Variants in EPB41L3 observed in about 807,000 individuals in gnomAD.
EPB41L3 encodes the protein erythrocyte membrane protein band 4.1 like 3.
Under a neutral mutation model 127.1 loss-of-function variants are expected in EPB41L3, and 57 were observed. The observed-to-expected ratio is 0.45, with a 90% CI of 0.36 to 0.56. The LOEUF (loss-of-function observed/expected upper bound fraction) is 0.56. Among genes scored for constraint, EPB41L3 ranks in the 20% least tolerant of loss-of-function variants. The pLI is 0.00. For missense variants in EPB41L3, 1,273 were observed against 1,372.2 expected, an observed-to-expected ratio of 0.93 and a Z score of 1.14; for synonymous variants, 572 against 549.5, an observed-to-expected ratio of 1.04 and a Z score of -0.57.
At chr18:5,520,343 A>C (rs9950048) in intron 1 of EPB41L3, among the ~76,000 whole-genome samples, 5,232 of 152,218 alleles carry the variant, frequency 0.034, 129 homozygotes, top group East Asian at 0.096. Context: ...CTAGAAAATA[A>C]CAAAGTATAA....
intron 13 of EPB41L3, among the ~76,000 whole-genome samples, chr18:5,413,946 T>C (rs1306930853): frequency 1.3e-5 from 2 of 152,224 alleles, no homozygotes; most frequent in African/African-American, 4.8e-5. Context: ...AAGTTTAACA[T>C]TAATTCTCAT....
chr18:5,452,739 CTATGAATACAATA>C (rs1168174754), intron 3 of EPB41L3, among the ~76,000 whole-genome samples: 1 of 151,976 alleles, frequency 6.6e-6, no homozygotes, highest in East Asian at 1.9e-4. Context: ...CCATTTAAAG[CTATGAATACAATA>C]TAAGAAAACC....
intron 3 of EPB41L3, among the ~76,000 whole-genome samples, chr18:5,585,856 C>T (rs2094437308): frequency 6.6e-6 from 1 of 152,146 alleles, no homozygotes; most frequent in Non-Finnish European, 1.5e-5. Flanking sequence ...TTCCTCCCTG[C>T]TTGGGTGTCA....
intron 3 of EPB41L3, among the ~76,000 whole-genome samples, chr18:5,609,383 T>C (rs2094700305): frequency 6.6e-6 from 1 of 152,192 alleles, no homozygotes; most frequent in Non-Finnish European, 1.5e-5. Context: ...TGAAAAACAT[T>C]TTTTTGTATT....
intron 1 of EPB41L3, among the ~76,000 whole-genome samples, chr18:5,539,002 T>C (rs1490071874): frequency 1.3e-5 from 2 of 150,892 alleles, no homozygotes; most frequent in African/African-American, 4.9e-5. Flanking sequence ...AAGATTTTTT[T>C]TTTTTTTTTT....
At chr18:5,448,682 C>A (rs1314557795) in intron 3 of EPB41L3, among the ~76,000 whole-genome samples, 3 of 152,142 alleles carry the variant, frequency 2.0e-5, no homozygotes, top group Non-Finnish European at 4.4e-5. Flanking sequence ...TTTGGTCTTA[C>A]AATTATTTAT....
chr18:5,498,245 G>A (rs1332491088), intron 1 of EPB41L3, among the ~76,000 whole-genome samples: 1 of 152,144 alleles, frequency 6.6e-6, no homozygotes, highest in African/African-American at 2.4e-5. Context: ...TATTCCAATT[G>A]AGCTTCCTGA....
At chr18:5,432,932 G>A (rs1405325374) in intron 8 of EPB41L3, among the ~76,000 whole-genome samples, 1 of 152,204 alleles carries the variant, frequency 6.6e-6, no homozygotes, top group Admixed American at 6.5e-5. Flanking sequence ...TTTACTGACT[G>A]CCTGGTATGT....
intron 1 of EPB41L3, among the ~76,000 whole-genome samples, chr18:5,531,771 A>G (rs1344268692): frequency 2.6e-5 from 4 of 151,276 alleles, no homozygotes; most frequent in East Asian, 1.9e-4. Flanking sequence ...GAAAAAGGTT[A>G]TAAAAGTCAA....
At chr18:5,448,803 C>T (rs1323708425) in intron 3 of EPB41L3, among the ~76,000 whole-genome samples, 1 of 152,088 alleles carries the variant, frequency 6.6e-6, no homozygotes, top group Non-Finnish European at 1.5e-5. Flanking sequence ...CGGTGGCTTG[C>T]CCTCTTCTTA....
chr18:5,515,647 C>T (rs1381097696), intron 1 of EPB41L3, among the ~76,000 whole-genome samples: 1 of 152,154 alleles, frequency 6.6e-6, no homozygotes, highest in African/African-American at 2.4e-5. Flanking sequence ...ATCTCCCCCT[C>T]CTGTCTCAAA....
intron 1 of EPB41L3, among the ~76,000 whole-genome samples, chr18:5,497,063 T>C (rs1363741102): frequency 1.3e-5 from 2 of 152,184 alleles, no homozygotes; most frequent in African/African-American, 4.8e-5. Flanking sequence ...ATCTGCCATA[T>C]GCAGATACGC....
At chr18:5,474,453 C>T (rs898549914) in intron 3 of EPB41L3, among the ~76,000 whole-genome samples, 13 of 152,030 alleles carry the variant, frequency 8.6e-5, no homozygotes, top group African/African-American at 3.1e-4. Context: ...CCCACTGTAG[C>T]CTTGTGTGTG....
In EPB41L3 at chr18:5,489,271, C is replaced by T. The variant is rs1379586504; in HGVS notation, c.-11-77G>A. ...TCTGCAAGAAAACTAGGATGCTCACCGTGAAAGGCTCAAGAGAACCACAGA... is the reference window on the plus strand; with the variant it reads ...TCTGCAAGAAAACTAGGATGCTCACTGTGAAAGGCTCAAGAGAACCACAGA... On this transcript the variant is annotated intron_variant, in intron 1 of 22. Coordinates refer to ENST00000341928, the MANE Select transcript of EPB41L3 (RefSeq NM_012307.5). The T allele has an allele frequency of 8.0e-6, 12 of 1,495,002 alleles. No individual in the cohort carries two copies. In the Admixed American group the frequency reaches 2.9e-4, roughly 37 times the overall value. The allele number at this position is 1,495,002 out of a possible 1,614,324, so 92.6% of individuals were successfully genotyped here.
intron 21 of EPB41L3, 83 bp downstream of exon 21, chr18:5,394,984 T>C (rs1270352939): frequency 1.5e-6 from 2 of 1,372,310 alleles, no homozygotes; most frequent in Non-Finnish European, 2.1e-6. Flanking sequence ...CATGCTGGAC[T>C]AGAGGAATAG....
chr18:5,396,836 ATAT>A (rs2073594185), intron 18 of EPB41L3, among the ~76,000 whole-genome samples: 1 of 152,184 alleles, frequency 6.6e-6, no homozygotes, highest in Non-Finnish European at 1.5e-5. Context: ...TCCTGGTGCC[ATAT>A]TATTAATAAT....
intron 1 of EPB41L3, among the ~76,000 whole-genome samples, chr18:5,620,880 C>A (rs2094852957): frequency 6.6e-6 from 1 of 152,072 alleles, no homozygotes; most frequent in Non-Finnish European, 1.5e-5. Flanking sequence ...GTCAGAGTAA[C>A]CTTTCCCTAT....
In EPB41L3 at chr18:5,422,083, G is replaced by A. The variant is rs549052969; in HGVS notation, c.1339+1295C>T. On this transcript the variant is annotated intron_variant, in intron 11 of 22. Coordinates refer to ENST00000341928, the MANE Select transcript of EPB41L3 (RefSeq NM_012307.5). ...ATATCTTGCTTTTCACAACAGCCCC[G>A]TCAAAGGCGGCCTTATTCCTATTAT... 1.1e-3 allele frequency among the ~76,000 whole-genome samples: 172 copies of A among 152,106 alleles called. 1 individual carries two copies. The highest frequency in any genetic ancestry group is 4.0e-3 in the African/African-American group (166 of 41,496).
chr18:5,492,525 T>C (rs1347268666), intron 1 of EPB41L3, among the ~76,000 whole-genome samples: 2 of 152,180 alleles, frequency 1.3e-5, no homozygotes, highest in Non-Finnish European at 2.9e-5. Flanking sequence ...ATCACAGCTT[T>C]CCCTTTCCAA....
Sources: gnomAD v4.1 joint callset for allele counts (sites outside exome capture counted in the v4.1 genomes callset) on GRCh38, gnomAD v4.1.1 for gene constraint, MANE v1.5 for transcripts, NCBI Gene and HGNC (gene_info 2026-07-23, HGNC 2026-07-21) for gene names.